Variants in FMN2 observed in about 807,000 individuals in gnomAD.
FMN2 encodes the protein formin 2.
FMN2 carries 51 observed loss-of-function variants against 142.3 expected under a neutral mutation model. The ratio of observed to expected loss-of-function variants is 0.36; its 90% confidence interval spans 0.29 to 0.45. The LOEUF (loss-of-function observed/expected upper bound fraction) is 0.45. FMN2 is among the 20% of genes least tolerant of loss of function. The probability of loss-of-function intolerance (pLI) is 1.00; values close to 1 mark genes in which losing one functional copy is unlikely to be tolerated. For missense variants in FMN2, 1,936 were observed against 2,122.8 expected, an observed-to-expected ratio of 0.91 and a Z score of 1.73; for synonymous variants, 882 against 869.8, an observed-to-expected ratio of 1.01 and a Z score of -0.25.
At chr1:240,439,788 A>G (rs1675544450) in intron 16 of FMN2, among the ~76,000 whole-genome samples, 1 of 151,326 alleles carries the variant, frequency 6.6e-6, no homozygotes, top group African/African-American at 2.4e-5. Context: ...ATATTTACCA[A>G]AAACAGGCTT....
chr1:240,468,206 A>ATATATATGTGTG (rs374934885), intron 16 of FMN2, among the ~76,000 whole-genome samples: 1 of 147,876 alleles, frequency 6.8e-6, no homozygotes, highest in African/African-American at 2.5e-5. Flanking sequence ...ATATATATAT[A>ATATATATGTGTG]TGTGTGTGTG....
chr1:240,128,661 C>T (rs900494217), intron 2 of FMN2, among the ~76,000 whole-genome samples: 1 of 151,754 alleles, frequency 6.6e-6, no homozygotes, highest in African/African-American at 2.4e-5. Context: ...AATATGTGAG[C>T]GAAGCTAAAA....
rs1333020175 is a variant in FMN2 at position 240,093,039 on chromosome 1, G to A, written c.930G>A (p.Ala310=). The part of the protein sequence containing the change: ...PVSEAPSLPA[A]QPAAKDSPSS... ...CCGAGGCGCCCAGTCTCCCGGCAGC[G>A]CAACCCGCGGCCAAAGACTCGCCCT... Residue 310 remains alanine (A), a synonymous_variant, in exon 1 of 18, where the codon GCG becomes GCA. Coordinates refer to ENST00000319653, the MANE Select transcript of FMN2 (RefSeq NM_020066.5). 1.6e-5 allele frequency: 22 copies of A among 1,392,830 alleles called. No homozygotes were observed. The highest frequency in any genetic ancestry group is 2.0e-5 in the Non-Finnish European group (22 of 1,082,210). The allele number at this position is 1,392,830 out of a possible 1,614,324, so 86.3% of individuals were successfully genotyped here.
intron 1 of FMN2, among the ~76,000 whole-genome samples, chr1:240,101,020 T>C (rs2103175652): frequency 6.6e-6 from 1 of 152,302 alleles, no homozygotes; most frequent in African/African-American, 2.4e-5. Flanking sequence ...AATGGTTGTT[T>C]TAGGTACGCA....
intron 16 of FMN2, chr1:240,459,457 C>T (rs751033291): frequency 3.3e-5 from 5 of 152,166 alleles, no homozygotes; most frequent in Non-Finnish European, 7.3e-5. Flanking sequence ...CAGTGGCTCA[C>T]GCCTGTAATC....
Position 240,150,233 on chromosome 1 carries a change from G to T in FMN2, c.1782+26888G>T, listed in dbSNP as rs1196635927. Among the ~76,000 whole-genome samples, 2 of 152,126 alleles carry T rather than the reference G, an allele frequency of 1.3e-5. 1 individual carries two copies. Among genetic ancestry groups the T allele is most frequent in the Admixed American group, 1.3e-4 (2 of 15,270 alleles). On this transcript the variant is annotated intron_variant, in intron 2 of 17. Coordinates refer to ENST00000319653, the MANE Select transcript of FMN2 (RefSeq NM_020066.5). ...ACAGAAGCTTACATCAAGATACAAA[G>T]ATCATGGATGCTTATAGATACGATG...
In FMN2 at chr1:240,378,727, G is replaced by A. The variant is rs543006499; in HGVS notation, c.4859-13784G>A. ...AAGTTTATTGTTATTTTCCTCTGCAGTGTCTAATCTTACGTGATTTCCATT... is the reference window on the plus strand; with the variant it reads ...AAGTTTATTGTTATTTTCCTCTGCAATGTCTAATCTTACGTGATTTCCATT... On this transcript the variant is annotated intron_variant, in intron 14 of 17. Coordinates refer to ENST00000319653, the MANE Select transcript of FMN2 (RefSeq NM_020066.5). Among the ~76,000 whole-genome samples, 10 of 152,232 alleles carry A rather than the reference G, an allele frequency of 6.6e-5. No individual in the cohort carries two copies. The South Asian group carries it at 1.7e-3, about 25-fold the overall frequency.
chr1:240,352,227 G>T (rs532092402), intron 13 of FMN2, among the ~76,000 whole-genome samples: 1 of 152,136 alleles, frequency 6.6e-6, no homozygotes, highest in African/African-American at 2.4e-5. Flanking sequence ...AGTTCTGTTC[G>T]TGGCAGTCTT....
intron 2 of FMN2, among the ~76,000 whole-genome samples, chr1:240,169,329 A>G (rs1282967260): frequency 1.3e-5 from 2 of 152,216 alleles, no homozygotes; most frequent in Non-Finnish European, 2.9e-5. Flanking sequence ...GTCTTGTCTC[A>G]GATATCACAC....
intron 5 of FMN2, 149 bp downstream of exon 5, chr1:240,208,881 G>T: frequency 9.7e-7 from 1 of 1,028,818 alleles, no homozygotes. Flanking sequence ...TAGTGCAGCA[G>T]TTTGCTATTT....
intron 8 of FMN2, among the ~76,000 whole-genome samples, chr1:240,297,374 T>A (rs1670022094): frequency 6.6e-6 from 1 of 151,940 alleles, no homozygotes; most frequent in Admixed American, 6.6e-5. Context: ...GGCGGGAGGA[T>A]CACGAGGTCG....
In FMN2 at chr1:240,221,638, T is replaced by C. The variant is rs531192550; in HGVS notation, c.4065+10403T>C. Among the ~76,000 whole-genome samples, 134 of 152,238 alleles carry C rather than the reference T, an allele frequency of 8.8e-4. 1 individual carries two copies. The Middle Eastern group carries it at 0.014, about 15-fold the overall frequency. On this transcript the variant is annotated intron_variant, in intron 6 of 17. Coordinates refer to ENST00000319653, the MANE Select transcript of FMN2 (RefSeq NM_020066.5). Reference sequence around the variant, plus strand: ...CTGGTAGATTCTGGATATTAGCCCTTTTGTCAGATGGATAGATTGCAAAAA... The same window carrying C: ...CTGGTAGATTCTGGATATTAGCCCTCTTGTCAGATGGATAGATTGCAAAAA...
chr1:240,414,907 T>C (rs187999576), intron 15 of FMN2, among the ~76,000 whole-genome samples: 1 of 152,174 alleles, frequency 6.6e-6, no homozygotes, highest in African/African-American at 2.4e-5. Flanking sequence ...AGGTCATATA[T>C]CAGAAGAACT....
At chr1:240,254,333 A>G (rs1285319565) in intron 6 of FMN2, among the ~76,000 whole-genome samples, 2 of 151,670 alleles carry the variant, frequency 1.3e-5, no homozygotes, top group Non-Finnish European at 2.9e-5. Flanking sequence ...TGGTGTTAGC[A>G]GTAGGTTGGG....
chr1:240,244,761 T>C (rs921060919), intron 6 of FMN2, among the ~76,000 whole-genome samples: 1 of 152,146 alleles, frequency 6.6e-6, no homozygotes, highest in Admixed American at 6.6e-5. Context: ...CTAGAGAAAA[T>C]TGACTTTTCA....
At position 240,257,939 on chromosome 1, in the gene FMN2, G is replaced by C. The variant is rs770156287; in HGVS notation, c.4066-6G>C. 9.3e-6 allele frequency: 15 copies of C among 1,610,504 alleles called. No individual in the cohort carries two copies. Among genetic ancestry groups the C allele is most frequent in the Non-Finnish European group, 1.2e-5 (14 of 1,178,512 alleles). On this transcript the variant is annotated splice_polypyrimidine_tract_variant and splice_region_variant and intron_variant, in intron 6 of 17. Coordinates refer to ENST00000319653, the MANE Select transcript of FMN2 (RefSeq NM_020066.5). ...ATTTTCCCCTTTTACTTTCTTTCTCGAGCAGGTTGTCAAGTTATTAAGCAA... is the reference window on the plus strand; with the variant it reads ...ATTTTCCCCTTTTACTTTCTTTCTCCAGCAGGTTGTCAAGTTATTAAGCAA...
intron 7 of FMN2, among the ~76,000 whole-genome samples, chr1:240,270,235 A>G (rs1280694319): frequency 6.6e-6 from 1 of 152,106 alleles, no homozygotes; most frequent in Non-Finnish European, 1.5e-5. Context: ...AGTTTTTATC[A>G]TGAAACGAGT....
intron 2 of FMN2, among the ~76,000 whole-genome samples, chr1:240,163,778 G>A (rs558353559): frequency 8.6e-5 from 13 of 151,650 alleles, no homozygotes; most frequent in Admixed American, 7.9e-4. Context: ...TTTTCCTTTT[G>A]TGTCTTTTGG....
intron 1 of FMN2, among the ~76,000 whole-genome samples, chr1:240,119,514 T>A (rs1405063818): frequency 6.6e-6 from 1 of 152,168 alleles, no homozygotes; most frequent in Non-Finnish European, 1.5e-5. Context: ...CTGGAGACAT[T>A]TTGGGCTGTT....
Sources: gnomAD v4.1 joint callset for allele counts (sites outside exome capture counted in the v4.1 genomes callset) on GRCh38, gnomAD v4.1.1 for gene constraint, MANE v1.5 for transcripts, NCBI Gene and HGNC (gene_info 2026-07-23, HGNC 2026-07-21) for gene names.